The following FRMPD4 variants were observed in gnomAD, a reference collection of about 807,000 sequenced individuals.
FRMPD4 encodes the protein FERM and PDZ domain containing 4.
A neutral mutation model predicts 94.1 loss-of-function variants in FRMPD4; 22 were observed. That is an observed-to-expected ratio of 0.23 (90% CI 0.17 to 0.33). FRMPD4 has a LOEUF of 0.33. FRMPD4 is among the 10% of genes least tolerant of loss of function. The pLI is 1.00. For synonymous variants in FRMPD4, 631 were observed against 548.6 expected, an observed-to-expected ratio of 1.15 and a Z score of -2.10; for missense variants, 1,111 against 1,339.9, an observed-to-expected ratio of 0.83 and a Z score of 2.67.
At chrX:12,349,708 A>G (rs1376527847) in intron 1 of FRMPD4, among the ~76,000 whole-genome samples, 1 of 111,989 alleles carries the variant, frequency 8.9e-6, no homozygotes, top group Admixed American at 9.5e-5. Flanking sequence ...GTAGGATTAC[A>G]GAAGAGAATG....
At chrX:11,928,982 C>T (rs2054104477) in intron 3 of FRMPD4, among the ~76,000 whole-genome samples, 1 of 112,442 alleles carries the variant, frequency 8.9e-6, no homozygotes. Context: ...AGCCAGAGGC[C>T]ATTATGCTTA....
chrX:12,387,215 G>A (rs753151973), intron 1 of FRMPD4, among the ~76,000 whole-genome samples: 5 of 112,015 alleles, frequency 4.5e-5, no homozygotes, highest in East Asian at 2.8e-4. Flanking sequence ...AACAAAATTT[G>A]CAAATGAAAC....
At chrX:11,910,068 T>G (rs2053988540) in intron 3 of FRMPD4, among the ~76,000 whole-genome samples, 1 of 112,106 alleles carries the variant, frequency 8.9e-6, no homozygotes, top group Non-Finnish European at 1.9e-5. Flanking sequence ...CTACTGACTT[T>G]CTGCTTACAT....
intron 1 of FRMPD4, among the ~76,000 whole-genome samples, chrX:12,297,652 T>C (rs138882588): frequency 9.0e-6 from 1 of 111,528 alleles, no homozygotes; most frequent in East Asian, 2.8e-4. Flanking sequence ...AGACAGGGAT[T>C]TGTAGAAGAG....
chrX:12,390,728 C>G (rs142440421), intron 1 of FRMPD4, among the ~76,000 whole-genome samples: 1 of 111,791 alleles, frequency 8.9e-6, no homozygotes, highest in Non-Finnish European at 1.9e-5. Context: ...TTTTTCTGTA[C>G]TGTGATGAGT....
chrX:11,901,444 G>A (rs2053937139), intron 3 of FRMPD4, among the ~76,000 whole-genome samples: 1 of 112,334 alleles, frequency 8.9e-6, no homozygotes, highest in Non-Finnish European at 1.9e-5. Context: ...TCCTTTTTAT[G>A]GCTGAGTAGT....
intron 1 of FRMPD4, among the ~76,000 whole-genome samples, chrX:12,231,029 A>ATATAT (rs1569199737): frequency 1.2e-4 from 5 of 40,633 alleles, no homozygotes; most frequent in African/African-American, 2.8e-4. Context: ...GTATATATAT[A>ATATAT]GTATATATAT....
chrX:11,900,783 G>A (rs1300453816), intron 3 of FRMPD4, among the ~76,000 whole-genome samples: 1 of 111,439 alleles, frequency 9.0e-6, no homozygotes, highest in Non-Finnish European at 1.9e-5. Flanking sequence ...TGGTAGTGGG[G>A]GGATGCTGGA....
At position 12,683,566 on chromosome X, in the gene FRMPD4, C is replaced by T. The variant is rs984119176; in HGVS notation, c.552C>T (p.Val184=). 1.7e-6 allele frequency: 2 copies of T among 1,156,398 alleles called. No homozygotes were observed. Among genetic ancestry groups the T allele is most frequent in the East Asian group, 6.0e-5 (2 of 33,455 alleles). The change falls in exon 6 of 17, where the codon GTC becomes GTT. Residue 184 remains valine, a synonymous_variant. Transcript: ENST00000675598. ...TCAAAGTACGCTTCTCTGAGGAGGT[C>T]ATCATCAACGGCCAAGTGTCGGTGA... ...NPVKVRFSEE[V]IINGQVSETV...
At chrX:12,484,481 C>G (rs16986906) in intron 1 of FRMPD4, among the ~76,000 whole-genome samples, 3,160 of 112,170 alleles carry the variant, frequency 0.028, 125 homozygotes, top group African/African-American at 0.097. Context: ...TATGGAGCCT[C>G]TTGCAAAATC....
chrX:12,700,965 G>A (rs1304573572), intron 9 of FRMPD4, among the ~76,000 whole-genome samples: 1 of 111,455 alleles, frequency 9.0e-6, no homozygotes, highest in African/African-American at 3.3e-5. Context: ...CTGATAAGGA[G>A]GAGGAGGAGA....
chrX:12,031,050 A>G (rs778318401), intron 3 of FRMPD4, among the ~76,000 whole-genome samples: 10 of 112,410 alleles, frequency 8.9e-5, no homozygotes, highest in Non-Finnish European at 3.8e-5. Flanking sequence ...AGTAGTATAC[A>G]GTGCACTTTC....
chrX:12,540,004 A>T (rs1475591907), intron 2 of FRMPD4, among the ~76,000 whole-genome samples: 1 of 111,986 alleles, frequency 8.9e-6, no homozygotes, highest in Non-Finnish European at 1.9e-5. Flanking sequence ...TCATAAGTGA[A>T]GGAGAAATAA....
chrX:12,088,149 C>T (rs183469943), intron 3 of FRMPD4, among the ~76,000 whole-genome samples: 6 of 112,005 alleles, frequency 5.4e-5, no homozygotes, highest in Admixed American at 2.8e-4. Context: ...GCAAAATAAA[C>T]TGGCAGCTTC....
At chrX:12,073,315 C>T (rs1258336805) in intron 3 of FRMPD4, among the ~76,000 whole-genome samples, 1 of 111,830 alleles carries the variant, frequency 8.9e-6, no homozygotes, top group African/African-American at 3.3e-5. Context: ...GGAATGGCCT[C>T]TGTCACAACT....
intron 2 of FRMPD4, among the ~76,000 whole-genome samples, chrX:12,585,164 C>T (rs1430812184): frequency 1.8e-5 from 2 of 110,676 alleles, no homozygotes; most frequent in Admixed American, 9.6e-5. Flanking sequence ...GTGATCTGCG[C>T]ACTTCGGCCT....
At chrX:11,989,686 G>T (rs185138152) in intron 3 of FRMPD4, among the ~76,000 whole-genome samples, 17 of 111,853 alleles carry the variant, frequency 1.5e-4, no homozygotes, top group African/African-American at 4.9e-4. Context: ...TGAGGGGATG[G>T]TTACTTCATT....
chrX:12,142,019 A>C (rs1362701048), intron 1 of FRMPD4, among the ~76,000 whole-genome samples: 1 of 111,904 alleles, frequency 8.9e-6, no homozygotes, highest in Admixed American at 9.5e-5. Flanking sequence ...AGATGATTTG[A>C]GATCCAAAAC....
At chrX:12,582,713 C>T (rs778360536) in intron 2 of FRMPD4, among the ~76,000 whole-genome samples, 23 of 111,586 alleles carry the variant, frequency 2.1e-4, no homozygotes, top group Non-Finnish European at 3.2e-4. Flanking sequence ...CTACAGGCTC[C>T]TTTCTTTTCA....
Sources: gnomAD v4.1 joint callset for allele counts (sites outside exome capture counted in the v4.1 genomes callset) on GRCh38, gnomAD v4.1.1 for gene constraint, MANE v1.5 for transcripts, NCBI Gene and HGNC (gene_info 2026-07-23, HGNC 2026-07-21) for gene names.